MAT1A: variants seen among roughly 807,000 people sequenced by gnomAD.
MAT1A encodes the protein methionine adenosyltransferase 1A.
Under a neutral mutation model 44.0 loss-of-function variants are expected in MAT1A, and 19 were observed. The observed-to-expected ratio is 0.43, with a 90% CI of 0.30 to 0.63. MAT1A has a LOEUF of 0.63. MAT1A is among the 30% of genes least tolerant of loss of function. The pLI, the probability that MAT1A is intolerant of heterozygous loss-of-function variation, is 0.12. For missense variants in MAT1A, 397 were observed against 531.0 expected, an observed-to-expected ratio of 0.75 and a Z score of 2.48; for synonymous variants, 205 against 205.6, an observed-to-expected ratio of 1.00 and a Z score of 0.03.
rs757660988 is a variant in MAT1A, at chr10:80,276,490, C to T, written c.654G>A (p.Met218Ile). 1 of 1,614,184 alleles carries T rather than the reference C, an allele frequency of 6.2e-7. No homozygotes were observed. The highest frequency in any genetic ancestry group is 8.5e-7 in the Non-Finnish European group (1 of 1,180,042). The change falls in exon 6 of 9, where the codon ATG becomes ATA. Residue 218 changes from methionine (M) to isoleucine (I), a missense_variant. Physicochemically the swap from Met to Ile is conservative, Grantham distance 10 (BLOSUM62 1). Transcript: ENST00000372213. ...TGACTTGCTCCTTCAGGGCCCTGCG[C>T]ATCTCCTCCAGCGTGATGTCTTCGT... Reference protein sequence around the residue: ...QHNEDITLEEMRRALKEQVIR... With the variant: ...QHNEDITLEEIRRALKEQVIR...
At chr10:80,284,510 A>G (rs1401312043) in intron 2 of MAT1A, among the ~76,000 whole-genome samples, 2 of 152,260 alleles carry the variant, frequency 1.3e-5, no homozygotes, top group Non-Finnish European at 2.9e-5. Flanking sequence ...TTACAAAGAT[A>G]TAAGGGTAGA....
Position 80,280,270 on chromosome 10 carries a change from G to A in MAT1A, c.452C>T (p.Pro151Leu), listed in dbSNP as rs1470971533. The A allele has an allele frequency of 6.2e-7, 1 of 1,614,058 alleles. No homozygotes were observed. Among genetic ancestry groups the A allele is most frequent in the Non-Finnish European group, 8.5e-7 (1 of 1,180,002 alleles). ...CTTGTGAGCAAGGATGATGGTGAGG[G>A]GCATGCACTCCTCTGTCTCGTCGGT... ...YATDETEECM[P>L]LTIILAHKLN... The change falls in exon 5 of 9, where the codon CCC (proline) becomes CTC (leucine). Residue 151 changes from proline to leucine, a missense_variant. Coordinates refer to ENST00000372213, the MANE Select transcript of MAT1A (RefSeq NM_000429.3).
intron 8 of MAT1A, 58 bp downstream of exon 8, chr10:80,274,462 G>A (rs925150569): frequency 6.2e-7 from 1 of 1,610,736 alleles, no homozygotes; most frequent in South Asian, 1.1e-5. Flanking sequence ...CAGGTGAGGT[G>A]AGCATCTGGG....
intron 3 of MAT1A, among the ~76,000 whole-genome samples, chr10:80,283,250 G>A (rs1003265637): frequency 1.3e-5 from 2 of 152,228 alleles, no homozygotes; most frequent in Admixed American, 6.5e-5. Flanking sequence ...CCTCCAGGCT[G>A]TGCCGCTGCC....
rs1841533315 is a variant in MAT1A, at chr10:80,279,614, G to A, written c.549+559C>T. ...GAATCACCTCAGCCTTCAAATATAG[G>A]CCTTGGGTTGATTTCAACACTGCAG... On this transcript the variant is annotated intron_variant, in intron 5 of 8. Coordinates refer to ENST00000372213, the MANE Select transcript of MAT1A (RefSeq NM_000429.3). 2.0e-5 allele frequency among the ~76,000 whole-genome samples: 3 copies of A among 152,110 alleles called. 1 individual carries two copies. The South Asian group carries it at 6.2e-4, about 32-fold the overall frequency.
At position 80,289,430 on chromosome 10, in the gene MAT1A, A is replaced by T; in HGVS notation, c.-7T>A. Reference sequence around the variant, plus strand: ...CATCCACCGGTCCATTCATCTTCTCACACTTCTCCACTCACGCTTCTTTCA... The same window carrying T: ...CATCCACCGGTCCATTCATCTTCTCTCACTTCTCCACTCACGCTTCTTTCA... On this transcript the variant is annotated 5_prime_UTR_variant, in exon 1 of 9. Transcript: ENST00000372213. The T allele has an allele frequency of 4.4e-6, 7 of 1,604,940 alleles. No individual in the cohort carries two copies. Among genetic ancestry groups the T allele is most frequent in the Non-Finnish European group, 6.0e-6 (7 of 1,171,988 alleles).
rs539794285 is a variant in MAT1A, at chr10:80,284,092, A to G, written c.170-54T>C. ...TAGCAGCCAAGTGCCAGCAAAGGGA[A>G]GCTCACATTCCCAGACCTCTCACAG... is the stretch of plus-strand genomic sequence containing the variant. On this transcript the variant is annotated intron_variant, in intron 2 of 8. Transcript: ENST00000372213. The G allele has an allele frequency of 2.5e-6, 4 of 1,602,408 alleles. No homozygotes were observed. The South Asian group carries it at 4.5e-5, about 18-fold the overall frequency.
chr10:80,274,934 C>T lies in MAT1A; in HGVS notation c.951+83G>A, dbSNP rs1018879438. The T allele has an allele frequency of 2.6e-5, 39 of 1,481,386 alleles. No individual in the cohort carries two copies. In the Middle Eastern group the frequency reaches 9.4e-4, roughly 36 times the overall value. 91.8% of individuals were successfully genotyped at this position (1,481,386 alleles called of 1,614,324 possible). ...TTGGCAAAGCATGCAGCTTTCCCAC[C>T]GGGCCAACATCCCCTCACTCAGGGC... On this transcript the variant is annotated intron_variant, in intron 7 of 8. Coordinates refer to ENST00000372213, the MANE Select transcript of MAT1A (RefSeq NM_000429.3).
rs79194029 is a variant in MAT1A at position 80,286,333 on chromosome 10, T to C, written c.92-744A>G. On this transcript the variant is annotated intron_variant, in intron 1 of 8. Coordinates refer to ENST00000372213, the MANE Select transcript of MAT1A (RefSeq NM_000429.3). ...AAATCAGACGGCTCAAACAGCTGCA[T>C]TGCATGGCAGGTTCCACAAGATGCA... Among the ~76,000 whole-genome samples, 1,352 of 152,272 alleles carry C rather than the reference T, an allele frequency of 8.9e-3. 16 individuals are homozygous for C. Among genetic ancestry groups the C allele is most frequent in the African/African-American group, 0.031 (1,284 of 41,552 alleles).
chr10:80,275,065 CA>C lies in MAT1A; in HGVS notation c.902del (p.Val301GlyfsTer6). Reference protein sequence around the residue: ...DRSAAYAARWVAKSLVKAGLC... With the variant: ...DRSAAYAARWXAKSLVKAGLC... Reference sequence around the variant, plus strand: ...GCCCTGCTTTCACCAGAGACTTGGCCACCCAGCGGGCAGCATATGCAGCTGA... The same window carrying C: ...GCCCTGCTTTCACCAGAGACTTGGCCCCCAGCGGGCAGCATATGCAGCTGA... On this transcript the variant is annotated frameshift_variant, in exon 7 of 9. Coordinates refer to ENST00000372213, the MANE Select transcript of MAT1A (RefSeq NM_000429.3). LOFTEE classifies it high-confidence loss of function. 6.4e-7 allele frequency: 1 copy of C among 1,571,112 alleles called. No homozygotes were observed. Among genetic ancestry groups the C allele is most frequent in the African/African-American group, 1.4e-5 (1 of 73,806 alleles).
intron 8 of MAT1A, 87 bp from the exon 9 acceptor site, chr10:80,273,970 GAACTGT>G: frequency 1.1e-6 from 1 of 941,704 alleles, no homozygotes; most frequent in East Asian, 2.4e-5. Context: ...AGGGAGCAAC[GAACTGT>G]AACACAGCCC....
Position 80,273,724 on chromosome 10 carries a change from G to T in MAT1A, c.*57C>A. ...GATCAGCAGCCAGGCGTCTGGGGAAGAGGAGCATGGCCACCAGGTGCCTCC... is the reference window on the plus strand; with the variant it reads ...GATCAGCAGCCAGGCGTCTGGGGAATAGGAGCATGGCCACCAGGTGCCTCC... On this transcript the variant is annotated 3_prime_UTR_variant, in exon 9 of 9. Transcript: ENST00000372213. 1.6e-6 allele frequency: 2 copies of T among 1,254,070 alleles called. No individual in the cohort carries two copies. Among genetic ancestry groups the T allele is most frequent in the Middle Eastern group, 2.6e-4 (1 of 3,898 alleles). The allele number at this position is 1,254,070 out of a possible 1,614,324, so 77.7% of individuals were successfully genotyped here. A position where few individuals can be genotyped will look rare whatever the true frequency, so the allele number is the denominator to read the frequency against.
intron 5 of MAT1A, among the ~76,000 whole-genome samples, chr10:80,277,155 C>T (rs1271777317): frequency 1.3e-5 from 2 of 152,202 alleles, no homozygotes; most frequent in East Asian, 1.9e-4. Flanking sequence ...CCAATACTGC[C>T]GAAAGCAGCA....
chr10:80,274,780 A>C, intron 7 of MAT1A, 127 bp from the exon 8 acceptor site: 1 of 1,357,250 alleles, frequency 7.4e-7, no homozygotes, highest in Non-Finnish European at 1.0e-6. Context: ...GCTCCCCTGC[A>C]ATTTTCCTGC....
intron 3 of MAT1A, among the ~76,000 whole-genome samples, chr10:80,282,332 A>G (rs1328657537): frequency 6.6e-6 from 1 of 152,150 alleles, no homozygotes; most frequent in Non-Finnish European, 1.5e-5. Context: ...CTGGCCTGAG[A>G]CCCTGCTAAG....
intron 3 of MAT1A, among the ~76,000 whole-genome samples, chr10:80,281,068 C>G (rs1257779103): frequency 6.6e-6 from 1 of 152,152 alleles, no homozygotes; most frequent in Non-Finnish European, 1.5e-5. Context: ...ACACACACAT[C>G]CTACAGAGAC....
In MAT1A at chr10:80,272,867, GCAAA is replaced by G. The variant is rs879943433; in HGVS notation, c.*910_*913del. 7 of 152,270 alleles carry G rather than the reference GCAAA, an allele frequency of 4.6e-5. No individual in the cohort carries two copies. Among genetic ancestry groups the G allele is most frequent in the African/African-American group, 9.6e-5 (4 of 41,468 alleles). The allele number at this position is 152,270 out of a possible 1,614,324, so 9.4% of individuals were successfully genotyped here. On this transcript the variant is annotated 3_prime_UTR_variant, in exon 9 of 9. Transcript: ENST00000372213. ...TCAGTCATCTTCTGGGACACATGAA[GCAAA>G]CAAAATAGCCCTGTGGTTCTGTCTT...
chr10:80,285,289 G>A (rs758499306), intron 2 of MAT1A, among the ~76,000 whole-genome samples: 2 of 126,938 alleles, frequency 1.6e-5, no homozygotes, highest in Non-Finnish European at 3.2e-5. Flanking sequence ...GACATTTAAC[G>A]TTAGATTCTT....
intron 1 of MAT1A, 23 bp from the exon 2 acceptor site, chr10:80,285,612 C>G: frequency 6.7e-7 from 1 of 1,487,572 alleles, no homozygotes; most frequent in Non-Finnish European, 9.4e-7. Context: ...AAATATGGGT[C>G]AGAATCACAA....
Sources: allele counts gnomAD v4.1 joint callset (sites outside exome capture counted in the v4.1 genomes callset), GRCh38; gene constraint gnomAD v4.1.1; transcripts MANE v1.5; gene names NCBI Gene and HGNC (gene_info 2026-07-23, HGNC 2026-07-21).